Variants in KIF3A observed in about 807,000 individuals in gnomAD.
KIF3A encodes kinesin family member 3A, also known as kinesin-like protein KIF3A.
In KIF3A, 27 loss-of-function variants were observed where a neutral mutation model predicts 92.6. That is an observed-to-expected ratio of 0.29 (90% CI 0.21 to 0.40). The LOEUF (loss-of-function observed/expected upper bound fraction) is 0.40, where lower values mean the gene tolerates loss of function less well. KIF3A is among the 10% of genes least tolerant of loss of function. The pLI, the probability that KIF3A is intolerant of heterozygous loss-of-function variation, is 1.00. For missense variants in KIF3A, 581 were observed against 872.6 expected (o/e 0.67, Z 4.21); for synonymous variants, 250 against 275.4 (o/e 0.91, Z 0.92).
chr5:132,726,055 G>T (rs1754022659), intron 4 of KIF3A, 73 bp downstream of exon 4: 1 of 1,069,214 alleles, frequency 9.4e-7, no homozygotes, highest in Admixed American at 2.5e-5. Flanking sequence ...TTTAAAAAAA[G>T]AAGGGGGACC....
rs1262174880 is a variant in KIF3A at position 132,708,976 on chromosome 5, T to C, written c.1231A>G (p.Ser411Gly). Residue 411 changes from serine (S) to glycine (G), a missense_variant and splice_region_variant, in exon 10 of 19, where the codon AGT becomes GGT. Coordinates refer to ENST00000403231, the MANE Select transcript of KIF3A (RefSeq NM_001300791.2). ...DGEKRKKRRG[S>G]SSSSSSDSTC... Reference sequence around the variant, plus strand: ...GAGTCTGAACTACTGCTGCTGCTACTGCCTGGAAAACAAAGAAATGAGCCC... The same window carrying C: ...GAGTCTGAACTACTGCTGCTGCTACCGCCTGGAAAACAAAGAAATGAGCCC... 24 of 1,549,610 alleles carry C rather than the reference T, an allele frequency of 1.5e-5. No individual in the cohort carries two copies. The highest frequency in any genetic ancestry group is 1.9e-5 in the Non-Finnish European group (22 of 1,146,356).
At chr5:132,709,771 A>G (rs545970492) in intron 9 of KIF3A, among the ~76,000 whole-genome samples, 1 of 152,356 alleles carries the variant, frequency 6.6e-6, no homozygotes, top group Admixed American at 6.5e-5. Context: ...GCAGCCATAG[A>G]GCATATGTAA....
Position 132,734,356 on chromosome 5 carries a change from C to A in KIF3A, c.129G>T (p.Arg43Ser). Residue 43 changes from arginine to serine, a missense_variant, in exon 2 of 19, where the codon AGG becomes AGT. Transcript: ENST00000403231. Reference sequence around the variant, plus strand: ...CAGTCTTATGTACAGTGATAGTTCCCCTCATCTCATCCACACTGACAGCCT... The same window carrying A: ...CAGTCTTATGTACAGTGATAGTTCCACTCATCTCATCCACACTGACAGCCT... ...YKQAVSVDEM[R>S]GTITVHKTDS... The A allele has an allele frequency of 6.2e-7, 1 of 1,613,908 alleles. No individual in the cohort carries two copies. The highest frequency in any genetic ancestry group is 8.5e-7 in the Non-Finnish European group (1 of 1,179,992).
At position 132,731,108 on chromosome 5, in the gene KIF3A, AAAT is replaced by A. The variant is rs544891833; in HGVS notation, c.280+3094_280+3096del. On this transcript the variant is annotated intron_variant, in intron 2 of 18. Coordinates refer to ENST00000403231, the MANE Select transcript of KIF3A (RefSeq NM_001300791.2). Reference sequence around the variant, plus strand: ...TGATGAATTCTACCAAACATTTAAGAAATAATACCAATTCTAGACAAATTCTTC... The same window carrying A: ...TGATGAATTCTACCAAACATTTAAGAAATACCAATTCTAGACAAATTCTTC... Among the ~76,000 whole-genome samples, 450 of 152,358 alleles carry A rather than the reference AAAT, an allele frequency of 3.0e-3. 6 individuals are homozygous for A. Among genetic ancestry groups the A allele is most frequent in the Non-Finnish European group, 4.4e-3 (298 of 68,040 alleles).
chr5:132,702,319 A>G, intron 14 of KIF3A, 107 bp from the exon 15 acceptor site: 2 of 1,051,670 alleles, frequency 1.9e-6, no homozygotes, highest in Non-Finnish European at 2.8e-6. Flanking sequence ...GAGCTTACCT[A>G]GTTCTTTTAT....
At chr5:132,704,139 T>A (rs1488917598) in intron 11 of KIF3A, among the ~76,000 whole-genome samples, 1 of 152,004 alleles carries the variant, frequency 6.6e-6, no homozygotes, top group Non-Finnish European at 1.5e-5. Context: ...GTAGTTTTAA[T>A]ATATTTTTCA....
Position 132,696,624 on chromosome 5 carries a change from T to C in KIF3A, c.*10A>G. 6.4e-7 allele frequency: 1 copy of C among 1,564,882 alleles called. No individual in the cohort carries two copies. ...CACTAATTTTTATTGTGACTTTAAG[T>C]CTGTAACATTTACTGCAGTAAAGAG... is the stretch of plus-strand genomic sequence containing the variant. On this transcript the variant is annotated 3_prime_UTR_variant, in exon 19 of 19. Transcript: ENST00000403231.
At position 132,711,025 on chromosome 5, in the gene KIF3A, A is replaced by G; in HGVS notation, c.1162T>C (p.Ser388Pro). The G allele has an allele frequency of 1.2e-6, 2 of 1,612,004 alleles. No homozygotes were observed. Among genetic ancestry groups the G allele is most frequent in the Non-Finnish European group, 1.7e-6 (2 of 1,178,254 alleles). Residue 388 changes from serine to proline, a missense_variant, in exon 9 of 19, where the codon TCA (serine) becomes CCA (proline). This residue lies in a region of KIF3A where 167 missense variants were observed against 205.8 expected (regional missense o/e 0.81). Coordinates refer to ENST00000403231, the MANE Select transcript of KIF3A (RefSeq NM_001300791.2). ...CCCTCTTCATCATCATCTTCCTCTG[A>G]CCCACTGATATCAGAGCCTGATATT... ...EEISGSDISG[S>P]EEDDDEEGEV...
Position 132,703,081 on chromosome 5 carries a change from A to G in KIF3A, c.1467-16T>C. On this transcript the variant is annotated splice_polypyrimidine_tract_variant and intron_variant, in intron 12 of 18. Coordinates refer to ENST00000403231, the MANE Select transcript of KIF3A (RefSeq NM_001300791.2). Reference sequence around the variant, plus strand: ...ATGCTCTTGTCTGTTGATTAGAATGAGAATACTCTATATTCACTGATGATC... The same window carrying G: ...ATGCTCTTGTCTGTTGATTAGAATGGGAATACTCTATATTCACTGATGATC... The G allele has an allele frequency of 6.3e-7, 1 of 1,582,324 alleles. No individual in the cohort carries two copies. The highest frequency in any genetic ancestry group is 8.6e-7 in the Non-Finnish European group (1 of 1,164,498).
At chr5:132,710,809 A>C in intron 9 of KIF3A, 150 bp downstream of exon 9, 1 of 1,042,078 alleles carries the variant, frequency 9.6e-7, no homozygotes, top group Middle Eastern at 2.1e-4. Context: ...AGGAGAAAAA[A>C]TGCAAAGTTA....
intron 5 of KIF3A, among the ~76,000 whole-genome samples, chr5:132,717,425 G>A: frequency 6.6e-6 from 1 of 152,086 alleles, no homozygotes; most frequent in Non-Finnish European, 1.5e-5. Context: ...GAGAGGTGGA[G>A]GTTGCAGTGA....
At chr5:132,723,759 A>C (rs1753906915) in intron 4 of KIF3A, 1 of 152,256 alleles carries the variant, frequency 6.6e-6, no homozygotes, top group Admixed American at 6.5e-5. Flanking sequence ...CATGTCTAAA[A>C]CACCAAAAGC....
intron 6 of KIF3A, 89 bp from the exon 7 acceptor site, chr5:132,716,531 G>C: frequency 9.2e-7 from 1 of 1,089,678 alleles, no homozygotes; most frequent in Non-Finnish European, 1.3e-6. Context: ...TAATGTAACA[G>C]TAAAAAACCT....
At chr5:132,727,994 G>C (rs1418139357) in intron 2 of KIF3A, among the ~76,000 whole-genome samples, 1 of 151,908 alleles carries the variant, frequency 6.6e-6, no homozygotes, top group South Asian at 2.1e-4. Context: ...TTACACATGG[G>C]AATAAAAAAG....
intron 9 of KIF3A, among the ~76,000 whole-genome samples, chr5:132,710,150 C>T (rs532902806): frequency 6.6e-6 from 1 of 152,178 alleles, no homozygotes; most frequent in East Asian, 1.9e-4. Context: ...TTAATTCACA[C>T]GTGGCAACAA....
intron 8 of KIF3A, 91 bp downstream of exon 8, chr5:132,715,666 A>C: frequency 1.1e-6 from 1 of 884,710 alleles, no homozygotes; most frequent in South Asian, 1.7e-5. Flanking sequence ...GGCTCAAAAA[A>C]GGTTTAATAG....
chr5:132,725,959 C>A (rs954567755), intron 4 of KIF3A, among the ~76,000 whole-genome samples, 169 bp downstream of exon 4: 2 of 152,084 alleles, frequency 1.3e-5, no homozygotes, highest in African/African-American at 4.8e-5. Flanking sequence ...AGCAATCCTG[C>A]TTCAGTAATT....
Position 132,734,453 on chromosome 5 carries a change from C to T in KIF3A, c.32G>A (p.Ser11Asn), listed in dbSNP as rs1313257845. 1 of 1,611,782 alleles carries T rather than the reference C, an allele frequency of 6.2e-7. No homozygotes were observed. Among genetic ancestry groups the T allele is most frequent in the Non-Finnish European group, 8.5e-7 (1 of 1,179,366 alleles). The change falls in exon 2 of 19, where the codon AGC becomes AAC. Residue 11 changes from serine to asparagine, a missense_variant. By Grantham distance (46) the Ser-to-Asn change is conservative. This residue lies in a region of KIF3A where 217 missense variants were observed against 299.7 expected (regional missense o/e 0.72). Transcript: ENST00000403231. MPINKSEKPE[S>N]CDNVKVVVRC... ...AACAACAACCTTCACATTATCGCAG[C>T]TTTCTGGCTTCTCTGATTTATTGAT...
chr5:132,696,724 A>G (rs756542237), intron 18 of KIF3A, 42 bp from the exon 19 acceptor site: 3 of 1,451,462 alleles, frequency 2.1e-6, no homozygotes, highest in Non-Finnish European at 2.9e-6. Context: ...TGCTTTCCTA[A>G]AAGACTGAAA....
Sources: allele counts gnomAD v4.1 joint callset (sites outside exome capture counted in the v4.1 genomes callset), GRCh38; gene constraint gnomAD v4.1.1; regional missense constraint gnomAD v4.1.1; transcripts MANE v1.5; gene names NCBI Gene and HGNC (gene_info 2026-07-23, HGNC 2026-07-21).